The following RBMS1 variants were observed in gnomAD, a reference collection of about 807,000 sequenced individuals.
RBMS1 encodes RNA binding motif single stranded interacting protein 1, also known as RNA-binding motif, single-stranded-interacting protein 1.
Under a neutral mutation model 62.3 loss-of-function variants are expected in RBMS1, and 17 were observed. The ratio of observed to expected loss-of-function variants is 0.27; its 90% CI spans 0.19 to 0.41. RBMS1 has a LOEUF of 0.41. RBMS1 is among the 10% of genes least tolerant of loss of function. The pLI is 1.00. For synonymous variants in RBMS1, 172 were observed against 170.0 expected (o/e 1.01, Z -0.09); for missense variants, 334 against 504.5 (o/e 0.66, Z 3.24).
intron 3 of RBMS1, among the ~76,000 whole-genome samples, chr2:160,317,055 G>A (rs1426030002): frequency 1.3e-5 from 2 of 152,138 alleles, no homozygotes; most frequent in Non-Finnish European, 2.9e-5. Context: ...TCTACATAAA[G>A]CACGCTCTAT....
chr2:160,373,648 G>T (rs2105172307), intron 1 of RBMS1, among the ~76,000 whole-genome samples: 1 of 152,274 alleles, frequency 6.6e-6, no homozygotes, highest in Admixed American at 6.5e-5. Flanking sequence ...GTGTGAATAT[G>T]AAGATACCAG....
At chr2:160,440,107 G>T (rs1307562573) in intron 1 of RBMS1, among the ~76,000 whole-genome samples, 1 of 110,510 alleles carries the variant, frequency 9.0e-6, no homozygotes, top group Admixed American at 1.0e-4. Context: ...GGAGAGGGGA[G>T]AGGGCTTTTT....
At position 160,367,390 on chromosome 2, in the gene RBMS1, T is replaced by C; in HGVS notation, c.77A>G (p.Gln26Arg). The part of the protein sequence containing the change: ...YYYPQYLQAK[Q>R]SLVPAHPMAP... ...CATGGGGTGGGCTGGGACCAGAGAC[T>C]GCTGGAAAACAAAGATCAGGAGCCT... The change falls in exon 2 of 14, where the codon CAG becomes CGG. Residue 26 changes from glutamine to arginine, a missense_variant and splice_region_variant. This residue lies in a region of RBMS1 where 150 missense variants were observed against 228.0 expected (regional missense o/e 0.66). Coordinates refer to ENST00000348849, the MANE Select transcript of RBMS1 (RefSeq NM_016836.4). 6.2e-7 allele frequency: 1 copy of C among 1,614,056 alleles called. No individual in the cohort carries two copies. Among genetic ancestry groups the C allele is most frequent in the East Asian group, 2.2e-5 (1 of 44,884 alleles).
chr2:160,380,798 A>G (rs1437380565), intron 1 of RBMS1, among the ~76,000 whole-genome samples: 2 of 152,160 alleles, frequency 1.3e-5, no homozygotes, highest in African/African-American at 2.4e-5. Flanking sequence ...GGGGAAGTCC[A>G]CCCACACCCT....
intron 1 of RBMS1, among the ~76,000 whole-genome samples, chr2:160,383,871 T>C (rs1400164081): frequency 6.6e-6 from 1 of 152,202 alleles, no homozygotes; most frequent in Non-Finnish European, 1.5e-5. Flanking sequence ...GGAATTTTCT[T>C]TAAGGCATAG....
intron 1 of RBMS1, among the ~76,000 whole-genome samples, chr2:160,474,331 C>A (rs1236152211): frequency 6.6e-6 from 1 of 152,142 alleles, no homozygotes; most frequent in Non-Finnish European, 1.5e-5. Context: ...CCAACAAGTT[C>A]TTTTTTGTGT....
intron 1 of RBMS1, among the ~76,000 whole-genome samples, chr2:160,392,283 C>T (rs1026690288): frequency 2.4e-4 from 37 of 152,170 alleles, no homozygotes; most frequent in Non-Finnish European, 4.4e-5. Flanking sequence ...CTATGGTCTG[C>T]CGGTCAAACA....
intron 3 of RBMS1, among the ~76,000 whole-genome samples, chr2:160,315,027 A>G (rs1185341016): frequency 6.6e-6 from 1 of 152,158 alleles, no homozygotes; most frequent in Non-Finnish European, 1.5e-5. Context: ...TTTTCCTTCA[A>G]TTTTGCTATT....
intron 1 of RBMS1, among the ~76,000 whole-genome samples, chr2:160,441,954 A>G (rs950823229): frequency 6.6e-6 from 1 of 152,188 alleles, no homozygotes; most frequent in African/African-American, 2.4e-5. Flanking sequence ...CCATTCATAT[A>G]TCTTCTTTTG....
At chr2:160,329,295 T>C (rs936409702) in intron 2 of RBMS1, among the ~76,000 whole-genome samples, 1 of 152,178 alleles carries the variant, frequency 6.6e-6, no homozygotes, top group Non-Finnish European at 1.5e-5. Context: ...ACTTGGACTG[T>C]ATAAGCAAGG....
intron 2 of RBMS1, among the ~76,000 whole-genome samples, chr2:160,355,093 C>T (rs1692723064): frequency 6.6e-6 from 1 of 152,084 alleles, no homozygotes. Flanking sequence ...TAAAAAACAA[C>T]TTTTCAAATA....
At chr2:160,332,983 C>A (rs927316401) in intron 2 of RBMS1, among the ~76,000 whole-genome samples, 10 of 151,880 alleles carry the variant, frequency 6.6e-5, no homozygotes, top group African/African-American at 2.2e-4. Context: ...TCTATACACA[C>A]ACATACATAA....
chr2:160,331,988 T>C (rs1422871509), intron 2 of RBMS1, among the ~76,000 whole-genome samples: 2 of 152,204 alleles, frequency 1.3e-5, no homozygotes, highest in South Asian at 2.1e-4. Flanking sequence ...TTCGATTATG[T>C]ACTTCTAATT....
At chr2:160,312,344 G>A (rs554791600) in intron 4 of RBMS1, among the ~76,000 whole-genome samples, 2 of 152,016 alleles carry the variant, frequency 1.3e-5, no homozygotes, top group South Asian at 2.1e-4. Flanking sequence ...AGTCAAAACC[G>A]TAGAGGGAAA....
intron 1 of RBMS1, among the ~76,000 whole-genome samples, chr2:160,391,022 G>A (rs928424757): frequency 6.6e-6 from 1 of 151,632 alleles, no homozygotes; most frequent in Non-Finnish European, 1.5e-5. Context: ...GTCCAACAAC[G>A]TGCCCAGTTG....
intron 1 of RBMS1, among the ~76,000 whole-genome samples, chr2:160,476,343 G>C (rs796196959): frequency 1.6e-4 from 24 of 152,140 alleles, no homozygotes; most frequent in African/African-American, 5.1e-4. Flanking sequence ...TATTACTTAG[G>C]TAATTTAGGC....
chr2:160,333,747 T>C (rs1691412064), intron 2 of RBMS1, among the ~76,000 whole-genome samples: 1 of 152,110 alleles, frequency 6.6e-6, no homozygotes, highest in Non-Finnish European at 1.5e-5. Flanking sequence ...TCTAGGTCCA[T>C]TAAATGAAAA....
At chr2:160,281,281 T>G in intron 10 of RBMS1, 33 bp downstream of exon 10, 1 of 1,554,698 alleles carries the variant, frequency 6.4e-7, no homozygotes, top group Non-Finnish European at 8.8e-7. Flanking sequence ...AACTTACTTG[T>G]AAAACACAAA....
chr2:160,281,243 G>A, intron 10 of RBMS1, 71 bp downstream of exon 10: 1 of 1,226,406 alleles, frequency 8.2e-7, no homozygotes, highest in Non-Finnish European at 1.1e-6. Flanking sequence ...CTTGGCAAAT[G>A]GTTTTAACCT....
Sources: allele counts gnomAD v4.1 joint callset (sites outside exome capture counted in the v4.1 genomes callset), GRCh38; gene constraint gnomAD v4.1.1; regional missense constraint gnomAD v4.1.1; transcripts MANE v1.5; gene names NCBI Gene and HGNC (gene_info 2026-07-23, HGNC 2026-07-21).